Variants in ADARB2 observed in about 807,000 individuals in gnomAD.
The protein encoded by ADARB2 is adenosine deaminase RNA specific B2 (inactive).
In ADARB2, 25 loss-of-function variants were observed where a neutral mutation model predicts 62.2. The ratio of observed to expected loss-of-function variants is 0.40; its 90% CI spans 0.29 to 0.56. The LOEUF is 0.56. Among genes scored for constraint, ADARB2 ranks in the 20% least tolerant of loss-of-function variants. ADARB2 has a pLI of 0.43. For missense variants in ADARB2, 1,071 were observed against 1,077.4 expected, an observed-to-expected ratio of 0.99 and a Z score of 0.08; for synonymous variants, 572 against 500.8, an observed-to-expected ratio of 1.14 and a Z score of -1.90.
chr10:1,502,651 A>C (rs1564309934), intron 1 of ADARB2, among the ~76,000 whole-genome samples: 1 of 152,264 alleles, frequency 6.6e-6, no homozygotes, highest in African/African-American at 2.4e-5. Context: ...TGTGGACGGA[A>C]GTCTGAGTGG....
chr10:1,598,933 C>A (rs1288956062), intron 1 of ADARB2, among the ~76,000 whole-genome samples: 1 of 152,222 alleles, frequency 6.6e-6, no homozygotes, highest in Non-Finnish European at 1.5e-5. Context: ...AAGCCCAGGG[C>A]CGCGGTGCAC....
At chr10:1,527,245 T>C (rs899470373) in intron 1 of ADARB2, among the ~76,000 whole-genome samples, 2 of 152,250 alleles carry the variant, frequency 1.3e-5, no homozygotes, top group African/African-American at 4.8e-5. Flanking sequence ...CTTGTACTTA[T>C]CGCATCCTCA....
In ADARB2 at chr10:1,510,106, T is replaced by TTCTCTC. The variant is rs879666484; in HGVS notation, c.101-130952_101-130947dup. Among the ~76,000 whole-genome samples the TTCTCTC allele has an allele frequency of 8.0e-5, 10 of 125,736 alleles. No individual in the cohort carries two copies. The South Asian group carries it at 1.9e-3, about 24-fold the overall frequency. The allele number at this position is 125,736 out of a possible 152,430, so 82.5% of individuals were successfully genotyped here. A position where few individuals can be genotyped will look rare whatever the true frequency, so the allele number is the denominator to read the frequency against. On this transcript the variant is annotated intron_variant, in intron 1 of 9. Transcript: ENST00000381312. ...TTCTCTCTCTCTCTCTTTTCTTTCT[T>TTCTCTC]TCTCTCTTTCTTTCTTTCTTTCTTT...
chr10:1,437,108 T>TA (rs1223612823), intron 1 of ADARB2, among the ~76,000 whole-genome samples: 7 of 152,122 alleles, frequency 4.6e-5, no homozygotes, highest in Non-Finnish European at 8.8e-5. Flanking sequence ...AGTTCTTTTG[T>TA]AAAAAAATGT....
chr10:1,475,642 T>C (rs189930828), intron 1 of ADARB2, among the ~76,000 whole-genome samples: 116 of 152,362 alleles, frequency 7.6e-4, no homozygotes, highest in Middle Eastern at 3.4e-3. Flanking sequence ...CATTCTGGCA[T>C]ATTTTTTAAA....
At chr10:1,559,376 T>G (rs1165268591) in intron 1 of ADARB2, among the ~76,000 whole-genome samples, 2 of 150,760 alleles carry the variant, frequency 1.3e-5, no homozygotes, top group African/African-American at 4.9e-5. Flanking sequence ...GAGGTCGGAG[T>G]CTCTCTAAGA....
At chr10:1,353,712 G>A (rs539982596) in intron 3 of ADARB2, among the ~76,000 whole-genome samples, 41 of 152,148 alleles carry the variant, frequency 2.7e-4, no homozygotes, top group Middle Eastern at 3.4e-3. Flanking sequence ...TCACCTTCTC[G>A]ATGTTCCTTT....
intron 3 of ADARB2, among the ~76,000 whole-genome samples, chr10:1,303,332 A>T (rs577303746): frequency 6.6e-6 from 1 of 152,144 alleles, no homozygotes; most frequent in South Asian, 2.1e-4. Flanking sequence ...TAGAGAAAAA[A>T]GAATAAAAAG....
At chr10:1,638,858 G>T (rs763189731) in intron 1 of ADARB2, among the ~76,000 whole-genome samples, 1 of 152,130 alleles carries the variant, frequency 6.6e-6, no homozygotes, top group African/African-American at 2.4e-5. Flanking sequence ...ATGGTGTGTC[G>T]GGGGCTCACA....
At chr10:1,252,165 A>G (rs1026638206) in intron 4 of ADARB2, among the ~76,000 whole-genome samples, 2 of 152,228 alleles carry the variant, frequency 1.3e-5, no homozygotes, top group African/African-American at 4.8e-5. Flanking sequence ...TAAATTTCTT[A>G]TACTGTATCT....
chr10:1,574,929 A>C (rs1832989872), intron 1 of ADARB2, among the ~76,000 whole-genome samples: 1 of 152,228 alleles, frequency 6.6e-6, no homozygotes, highest in South Asian at 2.1e-4. Context: ...GTTGAGTGGC[A>C]CTGCCAGGAG....
chr10:1,389,282 T>A lies in ADARB2; in HGVS notation c.101-10122A>T, dbSNP rs190433862. 3.5e-3 allele frequency among the ~76,000 whole-genome samples: 531 copies of A among 152,210 alleles called. 1 individual carries two copies. The highest frequency in any genetic ancestry group is 6.2e-3 in the East Asian group (32 of 5,186). On this transcript the variant is annotated intron_variant, in intron 1 of 9. Transcript: ENST00000381312. The stretch of plus-strand genomic sequence containing the variant: ...AAGCACTAACTACAAAAGAAAAAAA[T>A]GACAAATTAGTTTTCATCAAATTGG...
At chr10:1,473,362 TTTG>T (rs1046160054) in intron 1 of ADARB2, among the ~76,000 whole-genome samples, 2 of 152,050 alleles carry the variant, frequency 1.3e-5, no homozygotes, top group African/African-American at 4.8e-5. Flanking sequence ...TTGGATATAT[TTTG>T]TTGTTGTTGT....
intron 1 of ADARB2, among the ~76,000 whole-genome samples, chr10:1,429,566 T>TAC (rs1288325260): frequency 5.9e-5 from 9 of 152,214 alleles, no homozygotes; most frequent in African/African-American, 2.2e-4. Context: ...CTCTCTCTGG[T>TAC]ACACACATGA....
At chr10:1,250,850 T>C (rs1292091692) in intron 4 of ADARB2, among the ~76,000 whole-genome samples, 1 of 152,178 alleles carries the variant, frequency 6.6e-6, no homozygotes, top group African/African-American at 2.4e-5. Context: ...AAGCAGGTTA[T>C]AGAGGCTCCA....
At chr10:1,367,841 C>A (rs151138936) in intron 2 of ADARB2, among the ~76,000 whole-genome samples, 1 of 152,246 alleles carries the variant, frequency 6.6e-6, no homozygotes, top group African/African-American at 2.4e-5. Flanking sequence ...CCGCTAGCTG[C>A]GCTGAATGCC....
At chr10:1,224,594 C>T (rs11528599) in intron 6 of ADARB2, among the ~76,000 whole-genome samples, 26,660 of 151,522 alleles carry the variant, frequency 0.18, 2,581 homozygotes, top group East Asian at 0.28. Flanking sequence ...CACACTGCTT[C>T]GAATGTGTCC....
At chr10:1,279,417 G>C (rs2805572) in intron 3 of ADARB2, among the ~76,000 whole-genome samples, 13,534 of 152,220 alleles carry the variant, frequency 0.089, 1,394 homozygotes, top group African/African-American at 0.25. Flanking sequence ...CAGGGCCCAA[G>C]TCATCCTCTT....
chr10:1,736,971 C>A, intron 1 of ADARB2, 80 bp downstream of exon 1: 1 of 1,442,978 alleles, frequency 6.9e-7, no homozygotes, highest in Non-Finnish European at 9.6e-7. Flanking sequence ...AACGGACAAG[C>A]CCGGAGACCC....
Sources: allele counts gnomAD v4.1 joint callset (sites outside exome capture counted in the v4.1 genomes callset), GRCh38; gene constraint gnomAD v4.1.1; transcripts MANE v1.5; gene names NCBI Gene and HGNC (gene_info 2026-07-23, HGNC 2026-07-21).